CRADD: variants seen among roughly 807,000 people sequenced by gnomAD.
CRADD encodes the protein CARD and death domain containing adaptor protein.
A neutral mutation model predicts 15.5 loss-of-function variants in CRADD; 9 were observed. The observed-to-expected ratio is 0.58, with a 90% CI of 0.35 to 1.01. The LOEUF is 1.01. Ranked by LOEUF, CRADD falls within the 50% of genes least tolerant of loss-of-function variation. The probability of loss-of-function intolerance (pLI) is 0.02; values close to 1 mark genes in which losing one functional copy is unlikely to be tolerated. For synonymous variants in CRADD, 118 were observed against 107.6 expected (o/e 1.10, Z -0.60); for missense variants, 227 against 250.3 (o/e 0.91, Z 0.63).
intron 2 of CRADD, among the ~76,000 whole-genome samples, chr12:93,706,724 G>A (rs1955959076): frequency 6.6e-6 from 1 of 152,132 alleles, no homozygotes; most frequent in Non-Finnish European, 1.5e-5. Context: ...TAAAGGAGAG[G>A]ACTATTTGCA....
At chr12:93,787,308 T>G (rs1056878230) in intron 2 of CRADD, among the ~76,000 whole-genome samples, 17 of 42,422 alleles carry the variant, frequency 4.0e-4, no homozygotes, top group African/African-American at 1.2e-3. Flanking sequence ...TGACAGGGTT[T>G]TTTTTTTTTT....
At chr12:93,774,403 G>C (rs1404846411) in intron 2 of CRADD, among the ~76,000 whole-genome samples, 1 of 152,166 alleles carries the variant, frequency 6.6e-6, no homozygotes. Context: ...GAATTTAGTG[G>C]CCAATGCAAG....
chr12:93,864,825 G>T (rs972920899), intron 2 of CRADD, among the ~76,000 whole-genome samples: 8 of 152,192 alleles, frequency 5.3e-5, no homozygotes, highest in Admixed American at 5.2e-4. Context: ...TGTTTCTTAT[G>T]CAAGTTATGT....
rs182333908 is a variant in CRADD at position 93,864,289 on chromosome 12, A to C, written c.299-29761A>C. ...GGCTGATCTTGAACTCCTGGCCTTA[A>C]GGGATCCTCCATCCTCAGCCTCCTG... On this transcript the variant is annotated intron_variant, in intron 2 of 2. Coordinates refer to the CRADD transcript ENST00000548483. Among the ~76,000 whole-genome samples, 54 of 152,274 alleles carry C rather than the reference A, an allele frequency of 3.5e-4. 1 individual carries two copies. The highest frequency in any genetic ancestry group is 3.4e-3 in the Middle Eastern group (1 of 294).
At chr12:93,688,310 C>T (rs1280963065) in intron 2 of CRADD, among the ~76,000 whole-genome samples, 1 of 152,132 alleles carries the variant, frequency 6.6e-6, no homozygotes, top group Non-Finnish European at 1.5e-5. Context: ...CAAGACCAGC[C>T]TGGGCAACAT....
intron 2 of CRADD, among the ~76,000 whole-genome samples, chr12:93,788,562 A>T (rs950626154): frequency 2.0e-5 from 3 of 152,110 alleles, no homozygotes; most frequent in African/African-American, 4.8e-5. Flanking sequence ...TTGATTTTTT[A>T]AAATTTATTT....
intron 2 of CRADD, among the ~76,000 whole-genome samples, chr12:93,780,912 A>ATTTTTTT (rs58068881): frequency 7.2e-6 from 1 of 139,296 alleles, no homozygotes; most frequent in African/African-American, 2.7e-5. Context: ...ATGCCCAGCT[A>ATTTTTTT]TTTTTTTTTT....
intron 2 of CRADD, chr12:93,708,843 T>C (rs2136855731): frequency 6.6e-6 from 1 of 152,358 alleles, no homozygotes; most frequent in South Asian, 2.1e-4. Context: ...TTATAAACAA[T>C]AGAAATTTAA....
At chr12:93,718,477 G>A (rs1001352525) in intron 2 of CRADD, among the ~76,000 whole-genome samples, 33 of 152,076 alleles carry the variant, frequency 2.2e-4, no homozygotes, top group African/African-American at 7.7e-4. Flanking sequence ...TGGTATATGG[G>A]GAGGTAATTG....
intron 2 of CRADD, among the ~76,000 whole-genome samples, chr12:93,833,400 A>G (rs1957932461): frequency 6.6e-6 from 1 of 151,938 alleles, no homozygotes; most frequent in Non-Finnish European, 1.5e-5. Flanking sequence ...GTGCAGTGGC[A>G]CTCTCACAGC....
intron 2 of CRADD, among the ~76,000 whole-genome samples, chr12:93,681,323 G>A (rs575479778): frequency 2.0e-5 from 3 of 152,180 alleles, no homozygotes; most frequent in Non-Finnish European, 2.9e-5. Flanking sequence ...TACATAATGG[G>A]AAAAAAATTG....
At chr12:93,764,017 T>C (rs1035836039) in intron 2 of CRADD, among the ~76,000 whole-genome samples, 2 of 152,156 alleles carry the variant, frequency 1.3e-5, no homozygotes, top group Non-Finnish European at 2.9e-5. Flanking sequence ...GGAATTTTAT[T>C]CAGTCTGGTG....
chr12:93,769,965 G>A (rs1957066156), intron 2 of CRADD, among the ~76,000 whole-genome samples: 1 of 152,126 alleles, frequency 6.6e-6, no homozygotes, highest in Admixed American at 6.5e-5. Flanking sequence ...TCTCTTAGTA[G>A]GGTTAATGGA....
At chr12:93,799,518 A>G (rs1957455341) in intron 2 of CRADD, among the ~76,000 whole-genome samples, 1 of 152,208 alleles carries the variant, frequency 6.6e-6, no homozygotes, top group South Asian at 2.1e-4. Flanking sequence ...TAAAAAGATC[A>G]TAGCATGTAA....
intron 2 of CRADD, among the ~76,000 whole-genome samples, chr12:93,817,707 G>T (rs534024048): frequency 6.6e-6 from 1 of 152,168 alleles, no homozygotes; most frequent in Non-Finnish European, 1.5e-5. Flanking sequence ...TCCACTCTCG[G>T]TGGCCCTTAG....
chr12:93,690,477 A>C (rs1172763545), intron 2 of CRADD, among the ~76,000 whole-genome samples: 1 of 152,224 alleles, frequency 6.6e-6, no homozygotes, highest in African/African-American at 2.4e-5. Flanking sequence ...GTCTCCTTAA[A>C]CTTTTCCAAA....
intron 2 of CRADD, among the ~76,000 whole-genome samples, chr12:93,891,473 C>T (rs910613868): frequency 1.3e-5 from 2 of 152,110 alleles, no homozygotes; most frequent in South Asian, 2.1e-4. Context: ...GGTGACAGAG[C>T]GACACTCCGT....
intron 2 of CRADD, among the ~76,000 whole-genome samples, chr12:93,724,891 C>T (rs147848268): frequency 2.0e-5 from 3 of 151,778 alleles, no homozygotes; most frequent in East Asian, 1.9e-4. Flanking sequence ...GATGGAGTCT[C>T]GCTCTGTTGC....
chr12:93,738,472 G>A (rs1956618830), intron 2 of CRADD: 1 of 702,134 alleles, frequency 1.4e-6, no homozygotes, highest in Non-Finnish European at 2.6e-6. Flanking sequence ...CAGAAGAGCT[G>A]GCAGAGTAGG....
Sources: allele counts gnomAD v4.1 joint callset (sites outside exome capture counted in the v4.1 genomes callset), GRCh38; gene constraint gnomAD v4.1.1; transcripts MANE v1.5; gene names NCBI Gene and HGNC (gene_info 2026-07-23, HGNC 2026-07-21).